ISOC1: variants seen among roughly 807,000 people sequenced by gnomAD.
ISOC1 encodes the protein isochorismatase domain containing 1, also known as isochorismatase domain-containing protein 1.
Under a neutral mutation model 30.0 loss-of-function variants are expected in ISOC1, and 33 were observed. The ratio of observed to expected loss-of-function variants is 1.10; its 90% CI spans 0.83 to 1.47. The LOEUF is 1.47. Ranked by LOEUF, ISOC1 falls within the 40% of genes most tolerant of loss-of-function variation. The pLI is 0.00. For missense variants in ISOC1, 372 were observed against 388.0 expected (o/e 0.96, Z 0.35); for synonymous variants, 178 against 159.8 (o/e 1.11, Z -0.86).
At chr5:129,109,182 C>T (rs1753673762) in intron 4 of ISOC1, among the ~76,000 whole-genome samples, 1 of 152,138 alleles carries the variant, frequency 6.6e-6, no homozygotes, top group African/African-American at 2.4e-5. Flanking sequence ...TTTTTAGAGG[C>T]AATCTGTAAT....
At chr5:129,096,112 C>T (rs1368797676) in intron 1 of ISOC1, among the ~76,000 whole-genome samples, 3 of 151,952 alleles carry the variant, frequency 2.0e-5, no homozygotes, top group Non-Finnish European at 1.5e-5. Flanking sequence ...TTATAGGAGA[C>T]GTGATATTTT....
chr5:129,107,531 A>G (rs1580789274), intron 4 of ISOC1, among the ~76,000 whole-genome samples: 1 of 152,330 alleles, frequency 6.6e-6, no homozygotes, highest in South Asian at 2.1e-4. Flanking sequence ...TAACATCACA[A>G]CAATAAAAAT....
Position 129,095,221 on chromosome 5 carries a change from C to T in ISOC1, c.309+146C>T, listed in dbSNP as rs1436858697. Reference sequence around the variant, plus strand: ...GAGTGGCTGAGTCCGAAGGGCTGCGCGTCTTTCGCAAGTTCCGGGGCCGGC... The same window carrying T: ...GAGTGGCTGAGTCCGAAGGGCTGCGTGTCTTTCGCAAGTTCCGGGGCCGGC... On this transcript the variant is annotated intron_variant, in intron 1 of 4. Transcript: ENST00000173527. 4 of 771,736 alleles carry T rather than the reference C, an allele frequency of 5.2e-6. No homozygotes were observed. In the African/African-American group the frequency reaches 5.5e-5, roughly 11 times the overall value. 47.8% of individuals were successfully genotyped at this position (771,736 alleles called of 1,614,324 possible).
At position 129,094,910 on chromosome 5, in the gene ISOC1, G is replaced by A. The variant is rs752175713; in HGVS notation, c.144G>A (p.Glu48=). ...PSSVPHGAGY[E]LLIQKFLSLY... ...CGGTGCCACACGGGGCGGGCTACGA[G>A]CTGCTCATCCAGAAGTTCCTCAGCC... is the stretch of plus-strand genomic sequence containing the variant. The change falls in exon 1 of 5, where the codon GAG becomes GAA. Residue 48 remains glutamate, a synonymous_variant. Coordinates refer to ENST00000173527, the MANE Select transcript of ISOC1 (RefSeq NM_016048.2). 2 of 1,611,894 alleles carry A rather than the reference G, an allele frequency of 1.2e-6. No individual in the cohort carries two copies. The highest frequency in any genetic ancestry group is 2.2e-5 in the South Asian group (2 of 90,754).
chr5:129,112,821 T>C (rs905159710), intron 4 of ISOC1, 34 bp from the exon 5 acceptor site: 7 of 1,604,364 alleles, frequency 4.4e-6, no homozygotes, highest in African/African-American at 1.3e-5. Flanking sequence ...TTCTCATGCT[T>C]ATTTCTTGAT....
intron 1 of ISOC1, among the ~76,000 whole-genome samples, chr5:129,097,133 A>G (rs1471957264): frequency 6.6e-6 from 1 of 152,082 alleles, no homozygotes; most frequent in Admixed American, 6.6e-5. Flanking sequence ...TTTTCCGCCA[A>G]CTAGTCTAAT....
Position 129,113,290 on chromosome 5 carries a change from C to T in ISOC1, c.*289C>T, listed in dbSNP as rs1753734732. 4.3e-6 allele frequency: 1 copy of T among 232,452 alleles called. No individual in the cohort carries two copies. The highest frequency in any genetic ancestry group is 5.3e-5 in the Admixed American group (1 of 18,950). The allele number at this position is 232,452 out of a possible 1,614,324, so 14.4% of individuals were successfully genotyped here. On this transcript the variant is annotated 3_prime_UTR_variant, in exon 5 of 5. Transcript: ENST00000173527. ...GCCTGTTTTGTCTCTACTGTGTACT[C>T]TGATCGTATCTTTCCAAAGTGCAGA...
At chr5:129,102,001 A>G (rs149929792) in intron 1 of ISOC1, among the ~76,000 whole-genome samples, 237 of 152,272 alleles carry the variant, frequency 1.6e-3, no homozygotes, top group African/African-American at 5.5e-3. Flanking sequence ...ATTACATCAT[A>G]TCAAAGGTAC....
In ISOC1 at chr5:129,112,967, G is replaced by C. The variant is rs986216583; in HGVS notation, c.863G>C (p.Ser288Thr). Residue 288 changes from serine to threonine, a missense_variant, in exon 5 of 5, where the codon AGT becomes ACT. Transcript: ENST00000173527. ...FKEIQNLIKA[S>T]APESGLLSKV ...GAAATTCAGAATCTAATTAAGGCGA[G>C]TGCTCCAGAGTCGGGTCTGCTTTCC... is the stretch of plus-strand genomic sequence containing the variant. 15 of 1,613,552 alleles carry C rather than the reference G, an allele frequency of 9.3e-6. No homozygotes were observed. The Admixed American group carries it at 2.3e-4, about 25-fold the overall frequency.
In ISOC1 at chr5:129,113,960, T is replaced by G. The variant is rs1753741793; in HGVS notation, c.*959T>G. ...TTTTCATTAAATACTTGTTAGAGGG[T>G]TTTGAAATGTTTTTCAAATATGTGA... On this transcript the variant is annotated 3_prime_UTR_variant, in exon 5 of 5. Transcript: ENST00000173527. 1 of 152,330 alleles carries G rather than the reference T, an allele frequency of 6.6e-6. No individual in the cohort carries two copies. The highest frequency in any genetic ancestry group is 2.4e-5 in the African/African-American group (1 of 41,568). The allele number at this position is 152,330 out of a possible 1,614,324, so 9.4% of individuals were successfully genotyped here.
At chr5:129,101,369 G>A (rs541140586) in intron 1 of ISOC1, among the ~76,000 whole-genome samples, 4 of 151,418 alleles carry the variant, frequency 2.6e-5, no homozygotes, top group African/African-American at 7.3e-5. Flanking sequence ...AGTGGTGCAC[G>A]CCTGTAATCC....
intron 1 of ISOC1, among the ~76,000 whole-genome samples, chr5:129,098,327 C>T (rs1314130695): frequency 6.6e-6 from 1 of 152,108 alleles, no homozygotes; most frequent in East Asian, 1.9e-4. Flanking sequence ...GCCGACAGCT[C>T]AGGTAGATGA....
intron 1 of ISOC1, among the ~76,000 whole-genome samples, chr5:129,098,032 A>G (rs1427642646): frequency 6.6e-6 from 1 of 152,078 alleles, no homozygotes; most frequent in African/African-American, 2.4e-5. Flanking sequence ...GTGATTTATT[A>G]TTTCTCCACA....
chr5:129,106,978 G>T lies in ISOC1; in HGVS notation c.666G>T (p.Glu222Asp). Residue 222 changes from glutamate (E) to aspartate (D), a missense_variant, in exon 4 of 5, where the codon GAG (glutamate) becomes GAT (aspartate). Transcript: ENST00000173527. ...THVCIQQTAL[E>D]LVGRGVEVHI... Reference sequence around the variant, plus strand: ...TGTGCATCCAACAAACTGCCCTGGAGCTAGTTGGCCGAGGAGTCGAGGTTC... The same window carrying T: ...TGTGCATCCAACAAACTGCCCTGGATCTAGTTGGCCGAGGAGTCGAGGTTC... 1 of 1,613,786 alleles carries T rather than the reference G, an allele frequency of 6.2e-7. No individual in the cohort carries two copies. Among genetic ancestry groups the T allele is most frequent in the South Asian group, 1.1e-5 (1 of 91,080 alleles).
rs1478263077 is a variant in ISOC1 at position 129,095,006 on chromosome 5, C to T, written c.240C>T (p.Tyr80=). 5.6e-6 allele frequency: 9 copies of T among 1,607,100 alleles called. No individual in the cohort carries two copies. Among genetic ancestry groups the T allele is most frequent in the Non-Finnish European group, 7.6e-6 (9 of 1,178,684 alleles). ...TGTTCGCCGAGGAGTGGGGCCAGTA[C>T]GTGGACTTGCCCAAGGGCTTCGCGG... ...VQLFAEEWGQ[Y]VDLPKGFAVS... Residue 80 remains tyrosine, a synonymous_variant, in exon 1 of 5, where the codon TAC becomes TAT. Transcript: ENST00000173527.
chr5:129,100,808 A>C (rs1007182897), intron 1 of ISOC1, among the ~76,000 whole-genome samples: 1 of 152,008 alleles, frequency 6.6e-6, no homozygotes, highest in Non-Finnish European at 1.5e-5. Flanking sequence ...TTGGTTGGAC[A>C]TGATTAAAGT....
At chr5:129,105,142 T>A in intron 2 of ISOC1, 43 bp from the exon 3 acceptor site, 1 of 1,612,242 alleles carries the variant, frequency 6.2e-7, no homozygotes, top group Non-Finnish European at 8.5e-7. Context: ...TACACATATA[T>A]GTATATAGCT....
chr5:129,097,997 C>T (rs1753527053), intron 1 of ISOC1, among the ~76,000 whole-genome samples: 1 of 152,064 alleles, frequency 6.6e-6, no homozygotes, highest in Admixed American at 6.5e-5. Flanking sequence ...ACAAGTTTGG[C>T]CACATGTAGT....
chr5:129,112,790 A>G (rs114895403), intron 4 of ISOC1, 65 bp from the exon 5 acceptor site: 43,517 of 1,533,454 alleles, frequency 0.028, 793 homozygotes, highest in Non-Finnish European at 0.035. Context: ...GCATAGTGTT[A>G]CTCTTCTGAA....
Sources: gnomAD v4.1 joint callset for allele counts (sites outside exome capture counted in the v4.1 genomes callset) on GRCh38, gnomAD v4.1.1 for gene constraint, MANE v1.5 for transcripts, NCBI Gene and HGNC (gene_info 2026-07-23, HGNC 2026-07-21) for gene names.